RBFOX1: variants seen among roughly 807,000 people sequenced by gnomAD.
RBFOX1 encodes RNA binding protein fox-1 homolog 1.
RBFOX1 carries 8 observed loss-of-function variants against 57.7 expected under a neutral mutation model. That is an observed-to-expected ratio of 0.14 (90% confidence interval 0.08 to 0.25). The LOEUF is 0.25. Ranked by LOEUF, RBFOX1 falls within the 10% of genes least tolerant of loss-of-function variation. RBFOX1 has a pLI of 1.00. For synonymous variants in RBFOX1, 326 were observed against 222.4 expected (o/e 1.47, Z -4.15); for missense variants, 611 against 548.5 (o/e 1.11, Z -1.14).
At chr16:6,307,615 T>C (rs1381347066) in intron 1 of RBFOX1, among the ~76,000 whole-genome samples, 2 of 148,168 alleles carry the variant, frequency 1.3e-5, no homozygotes, top group Non-Finnish European at 3.0e-5. Context: ...CATAATGAGT[T>C]TTAATTATAT....
At position 6,796,779 on chromosome 16, in the gene RBFOX1, A is replaced by T. The variant is rs62016121; in HGVS notation, c.-16+142129A>T. On this transcript the variant is annotated intron_variant, in intron 3 of 15. Transcript: ENST00000550418. ...AAGATGGGCCTACATCTGCCTTCCA[A>T]CTTCTTCTATGTCCCTCAGTCATAA... Among the ~76,000 whole-genome samples the T allele has an allele frequency of 5.1e-3, 777 of 152,238 alleles. 5 individuals are homozygous for T. The highest frequency in any genetic ancestry group is 8.2e-3 in the Non-Finnish European group (558 of 68,030).
intron 14 of RBFOX1, among the ~76,000 whole-genome samples, chr16:7,677,132 T>TACACATACACACACAC: frequency 7.3e-6 from 1 of 137,862 alleles, no homozygotes; most frequent in Non-Finnish European, 1.6e-5. Flanking sequence ...CACATACACA[T>TACACATACACACACAC]ACACACACAC....
chr16:7,317,442 A>G (rs1231564805), intron 4 of RBFOX1, among the ~76,000 whole-genome samples: 1 of 152,054 alleles, frequency 6.6e-6, no homozygotes, highest in Non-Finnish European at 1.5e-5. Context: ...CACTATCACC[A>G]CTGTCACCAA....
At chr16:7,344,314 A>T (rs2145490536) in intron 4 of RBFOX1, among the ~76,000 whole-genome samples, 1 of 150,818 alleles carries the variant, frequency 6.6e-6, no homozygotes, top group African/African-American at 2.4e-5. Flanking sequence ...CAGGGCTAAA[A>T]AAAACTGATA....
In RBFOX1 at chr16:7,004,509, C is replaced by T. The variant is rs564990254; in HGVS notation, c.-15-47548C>T. Among the ~76,000 whole-genome samples the T allele has an allele frequency of 5.2e-4, 79 of 152,246 alleles. No homozygotes were observed. The South Asian group carries it at 9.1e-3, about 18-fold the overall frequency. On this transcript the variant is annotated intron_variant, in intron 3 of 15. Transcript: ENST00000550418. ...TTTGGAGGATCAGTAAGTTGGTATGCCAGCACTCCAAGAGAGAGACCATCT... is the reference window on the plus strand; with the variant it reads ...TTTGGAGGATCAGTAAGTTGGTATGTCAGCACTCCAAGAGAGAGACCATCT...
Position 5,488,761 on chromosome 16 carries a change from GTGA to G in RBFOX1, c.258+21518_258+21520del, listed in dbSNP as rs1288048490. On this transcript the variant is annotated intron_variant, in intron 2 of 2. Transcript: ENST00000585867. ...ATAATGGAGGATTATAGTGATGATG[GTGA>G]TGATGATGATTATGGGAGATGATGG... Among the ~76,000 whole-genome samples, 16 of 150,694 alleles carry G rather than the reference GTGA, an allele frequency of 1.1e-4. 1 individual carries two copies. Among genetic ancestry groups the G allele is most frequent in the Admixed American group, 2.6e-4 (4 of 15,158 alleles).
chr16:6,459,615 C>T (rs1368109317), intron 2 of RBFOX1, among the ~76,000 whole-genome samples: 1 of 152,002 alleles, frequency 6.6e-6, no homozygotes, highest in Non-Finnish European at 1.5e-5. Context: ...ATAAGGCATC[C>T]ATATATCCAA....
intron 3 of RBFOX1, among the ~76,000 whole-genome samples, chr16:6,962,382 G>A (rs773456725): frequency 2.6e-5 from 4 of 152,098 alleles, no homozygotes; most frequent in Non-Finnish European, 4.4e-5. Flanking sequence ...TTAGGACTTC[G>A]ACTTATCTTT....
At position 6,546,202 on chromosome 16, in the gene RBFOX1, G is replaced by A. The variant is rs2096892878; in HGVS notation, c.-63-108401G>A. On this transcript the variant is annotated intron_variant, in intron 2 of 15. Transcript: ENST00000550418. ...GGCCTAAAAACGTATTGTTTGTCTAGGTAGGGTCATGATTCATGAAGCTAT... is the reference window on the plus strand; with the variant it reads ...GGCCTAAAAACGTATTGTTTGTCTAAGTAGGGTCATGATTCATGAAGCTAT... Among the ~76,000 whole-genome samples the A allele has an allele frequency of 2.0e-5, 3 of 152,198 alleles. No individual in the cohort carries two copies. In the South Asian group the frequency reaches 6.2e-4, roughly 31 times the overall value.
chr16:5,915,714 C>G (rs1253702666), intron 4 of RBFOX1, among the ~76,000 whole-genome samples: 2 of 152,102 alleles, frequency 1.3e-5, no homozygotes, highest in African/African-American at 4.8e-5. Flanking sequence ...TGCCTGTAAT[C>G]TCAGCTACTC....
At chr16:5,339,945 C>T (rs1056836585) in intron 1 of RBFOX1, among the ~76,000 whole-genome samples, 1 of 152,094 alleles carries the variant, frequency 6.6e-6, no homozygotes, top group African/African-American at 2.4e-5. Context: ...TCCCATCAGT[C>T]TGAGGCATGA....
intron 2 of RBFOX1, among the ~76,000 whole-genome samples, chr16:6,486,061 G>A (rs1269772021): frequency 3.1e-5 from 4 of 127,216 alleles, no homozygotes; most frequent in East Asian, 5.1e-4. Flanking sequence ...TACAAAAGTT[G>A]AAGGAGATCT....
chr16:6,509,348 C>T (rs1314374912), intron 2 of RBFOX1, among the ~76,000 whole-genome samples: 1 of 152,152 alleles, frequency 6.6e-6, no homozygotes, highest in Non-Finnish European at 1.5e-5. Context: ...GACTACTATT[C>T]AGCTATAAAA....
chr16:6,066,318 AAAGG>A (rs2095762136), intron 1 of RBFOX1, among the ~76,000 whole-genome samples: 3 of 132,982 alleles, frequency 2.3e-5, no homozygotes, highest in Non-Finnish European at 3.4e-5. Flanking sequence ...AAAAAAAAAA[AAAGG>A]CATAATTCAG....
chr16:7,110,152 C>G (rs563204939), intron 4 of RBFOX1, among the ~76,000 whole-genome samples: 1 of 147,918 alleles, frequency 6.8e-6, no homozygotes, highest in South Asian at 2.1e-4. Context: ...GAGTGTGAGA[C>G]CAGCCTGGGC....
intron 2 of RBFOX1, among the ~76,000 whole-genome samples, chr16:6,379,897 C>T (rs561507756): frequency 5.9e-5 from 9 of 152,120 alleles, no homozygotes; most frequent in East Asian, 1.9e-4. Context: ...TTTGAGCATG[C>T]GTCAGTCCTG....
chr16:7,579,980 C>T (rs1295650733), intron 6 of RBFOX1, 60 bp downstream of exon 6: 2 of 1,564,068 alleles, frequency 1.3e-6, no homozygotes, highest in Non-Finnish European at 1.8e-6. Context: ...ACCTCCCTGT[C>T]TCATGTAAGT....
chr16:6,817,570 G>T (rs1158880432), intron 3 of RBFOX1, among the ~76,000 whole-genome samples: 2 of 151,336 alleles, frequency 1.3e-5, no homozygotes, highest in African/African-American at 2.4e-5. Flanking sequence ...ACTGGATTTG[G>T]TGGCGCATGC....
intron 1 of RBFOX1, among the ~76,000 whole-genome samples, chr16:5,271,248 G>C (rs1182613025): frequency 6.6e-6 from 1 of 152,134 alleles, no homozygotes; most frequent in Non-Finnish European, 1.5e-5. Context: ...CAGCTACTCT[G>C]AAGGCTGAGG....
Sources: allele counts gnomAD v4.1 joint callset (sites outside exome capture counted in the v4.1 genomes callset), GRCh38; gene constraint gnomAD v4.1.1; transcripts MANE v1.5; gene names NCBI Gene and HGNC (gene_info 2026-07-23, HGNC 2026-07-21).